The following ZCCHC2 variants were observed in gnomAD, a reference collection of about 807,000 sequenced individuals.
The protein encoded by ZCCHC2 is zinc finger CCHC-type containing 2.
Under a neutral mutation model 103.6 loss-of-function variants are expected in ZCCHC2, and 39 were observed. That is an observed-to-expected ratio of 0.38 (90% CI 0.29 to 0.49). The LOEUF (loss-of-function observed/expected upper bound fraction) is 0.49, where lower values mean the gene tolerates loss of function less well. ZCCHC2 is among the 20% of genes least tolerant of loss of function. The pLI, the probability that ZCCHC2 is intolerant of heterozygous loss-of-function variation, is 0.96. For synonymous variants in ZCCHC2, 687 were observed against 608.9 expected (o/e 1.13, Z -1.89); for missense variants, 1,483 against 1,491.0 (o/e 0.99, Z 0.09).
chr18:62,531,126 T>C (rs890485100), intron 1 of ZCCHC2, among the ~76,000 whole-genome samples: 2 of 152,192 alleles, frequency 1.3e-5, no homozygotes, highest in African/African-American at 2.4e-5. Flanking sequence ...CTTATTTTAT[T>C]GACTGTGTTT....
At chr18:62,566,030 A>AG (rs1916348140) in intron 11 of ZCCHC2, among the ~76,000 whole-genome samples, 1 of 152,196 alleles carries the variant, frequency 6.6e-6, no homozygotes, top group African/African-American at 2.4e-5. Flanking sequence ...GGATCACCTG[A>AG]GGTCAGGAGC....
At chr18:62,537,872 A>G (rs190498690) in intron 1 of ZCCHC2, among the ~76,000 whole-genome samples, 82 of 152,308 alleles carry the variant, frequency 5.4e-4, no homozygotes, top group African/African-American at 1.8e-3. Context: ...AACAGTAGCT[A>G]TACTATTTTT....
At chr18:62,529,675 T>C (rs1300595634) in intron 1 of ZCCHC2, among the ~76,000 whole-genome samples, 1 of 152,232 alleles carries the variant, frequency 6.6e-6, no homozygotes, top group Non-Finnish European at 1.5e-5. Flanking sequence ...CATTTTTCTA[T>C]GCAGTCATTT....
intron 13 of ZCCHC2, 50 bp downstream of exon 13, chr18:62,575,600 C>G (rs1245527658): frequency 6.4e-7 from 1 of 1,554,038 alleles, no homozygotes; most frequent in Non-Finnish European, 8.8e-7. Context: ...ACTCATTTCT[C>G]CTTCCTTTCC....
intron 11 of ZCCHC2, among the ~76,000 whole-genome samples, chr18:62,566,770 T>G (rs1005528294): frequency 6.6e-6 from 1 of 152,238 alleles, no homozygotes; most frequent in Non-Finnish European, 1.5e-5. Flanking sequence ...ATGCCTTTGT[T>G]TGCTCATTTG....
intron 5 of ZCCHC2, 106 bp from the exon 6 acceptor site, chr18:62,556,097 A>G: frequency 1.3e-6 from 1 of 780,082 alleles, no homozygotes; most frequent in Non-Finnish European, 2.0e-6. Flanking sequence ...ATATTTTTCC[A>G]TACCTGAATT....
intron 7 of ZCCHC2, 144 bp downstream of exon 7, chr18:62,558,914 C>G (rs2145516812): frequency 6.0e-6 from 3 of 499,426 alleles, no homozygotes; most frequent in Non-Finnish European, 1.1e-5. Context: ...ATAGACCATT[C>G]AATAAATGGT....
chr18:62,562,918 G>T, intron 8 of ZCCHC2, 91 bp from the exon 9 acceptor site: 2 of 1,427,966 alleles, frequency 1.4e-6, no homozygotes, highest in Non-Finnish European at 9.5e-7. Context: ...CTAATATATT[G>T]AAGAAAGGGT....
rs1182141717 is a variant in ZCCHC2 at position 62,564,596 on chromosome 18, C to T, written c.1712C>T (p.Ser571Phe). The T allele has an allele frequency of 3.9e-6, 6 of 1,543,070 alleles. No individual in the cohort carries two copies. Among genetic ancestry groups the T allele is most frequent in the African/African-American group, 1.4e-5 (1 of 72,788 alleles). ...DQHSAEKRSL[S>F]SINKKKGKPQ... ...CATTCTGCTGAAAAACGGAGTTTATCTTCAATAAATAAGAAGAAAGGAAAG... is the reference window on the plus strand; with the variant it reads ...CATTCTGCTGAAAAACGGAGTTTATTTTCAATAAATAAGAAGAAAGGAAAG... Residue 571 changes from serine (S) to phenylalanine (F), a missense_variant, in exon 10 of 14, where the codon TCT (serine) becomes TTT (phenylalanine). Physicochemically the swap from Ser to Phe is radical, Grantham distance 155. Transcript: ENST00000269499.
At position 62,570,154 on chromosome 18, in the gene ZCCHC2, C is replaced by A. The variant is rs1484239496; in HGVS notation, c.1898C>A (p.Ser633Ter). 1 of 1,612,228 alleles carries A rather than the reference C, an allele frequency of 6.2e-7. No individual in the cohort carries two copies. ...SGHDTCGETS[S>*]ESYSSPSSPR... ...CATGACACATGTGGAGAAACATCTT[C>A]AGAGAGTTACAGTTCTCCATCTAGT... The change falls in exon 12 of 14, where the codon TCA (serine) becomes TAA (stop). Residue 633 changes from serine (S) to a stop codon, truncating the protein, a stop_gained. Transcript: ENST00000269499. LOFTEE classifies it high-confidence loss of function.
At chr18:62,569,110 C>G (rs1316191602) in intron 11 of ZCCHC2, among the ~76,000 whole-genome samples, 1 of 152,184 alleles carries the variant, frequency 6.6e-6, no homozygotes, top group African/African-American at 2.4e-5. Context: ...TTAGCAACAT[C>G]AACATTCCTA....
chr18:62,557,856 A>G (rs1915960787), intron 6 of ZCCHC2, among the ~76,000 whole-genome samples: 3 of 152,214 alleles, frequency 2.0e-5, no homozygotes, highest in Non-Finnish European at 4.4e-5. Context: ...AGCAGTGCTA[A>G]AGAGGTTGGT....
In ZCCHC2 at chr18:62,563,156, GT is replaced by G. The variant is rs999460714; in HGVS notation, c.1686+15del. 20 of 1,609,622 alleles carry G rather than the reference GT, an allele frequency of 1.2e-5. No homozygotes were observed. Among genetic ancestry groups the G allele is most frequent in the Non-Finnish European group, 1.7e-5 (20 of 1,176,726 alleles). The stretch of plus-strand genomic sequence containing the variant: ...CCTCGGCTGACCAGGTGTGTGGGGA[GT>G]TTGTTTTGGAGCTATATAGTTAAAG... On this transcript the variant is annotated intron_variant, in intron 9 of 13. Transcript: ENST00000269499.
chr18:62,557,956 C>G (rs757110730), intron 6 of ZCCHC2, among the ~76,000 whole-genome samples: 4 of 151,574 alleles, frequency 2.6e-5, no homozygotes, highest in South Asian at 2.1e-4. Flanking sequence ...AACGTTCTTA[C>G]ATATCTGAGT....
intron 3 of ZCCHC2, 49 bp from the exon 4 acceptor site, chr18:62,544,753 T>C (rs530156631): frequency 6.8e-7 from 1 of 1,480,782 alleles, no homozygotes; most frequent in East Asian, 2.6e-5. Context: ...TTCTAGCCGG[T>C]TCCTGCCTAG....
At chr18:62,573,126 A>ATACCTTAATGAATACAAATATTTT (rs1916657031) in intron 12 of ZCCHC2, among the ~76,000 whole-genome samples, 1 of 152,210 alleles carries the variant, frequency 6.6e-6, no homozygotes, top group Non-Finnish European at 1.5e-5. Flanking sequence ...TAAACAGTTC[A>ATACCTTAATGAATACAAATATTTT]TACCTTAATG....
At position 62,574,626 on chromosome 18, in the gene ZCCHC2, A is replaced by G. The variant is rs779418252; in HGVS notation, c.2545A>G (p.Ile849Val). The part of the protein sequence containing the change: ...LSIASPNTAF[I>V]PIHNPGSFPG... The stretch of plus-strand genomic sequence containing the variant: ...CATCGCATCACCAAACACTGCCTTT[A>G]TTCCTATCCATAACCCAGGTAGTTT... The change falls in exon 13 of 14, where the codon ATT becomes GTT. Residue 849 changes from isoleucine to valine, a missense_variant. This residue lies in a region of ZCCHC2 where 884 missense variants were observed against 907.5 expected (regional missense o/e 0.97). Coordinates refer to ENST00000269499, the MANE Select transcript of ZCCHC2 (RefSeq NM_017742.6). 1.9e-6 allele frequency: 3 copies of G among 1,613,974 alleles called. No homozygotes were observed. The highest frequency in any genetic ancestry group is 2.5e-6 in the Non-Finnish European group (3 of 1,179,882).
At chr18:62,548,392 G>A (rs1328732264) in intron 4 of ZCCHC2, among the ~76,000 whole-genome samples, 2 of 152,158 alleles carry the variant, frequency 1.3e-5, no homozygotes, top group African/African-American at 4.8e-5. Context: ...CCAGCAACGT[G>A]AACAGTGTCA....
chr18:62,523,946 C>T lies in ZCCHC2; in HGVS notation c.522C>T (p.Ile174=), dbSNP rs1050465597. The T allele has an allele frequency of 1.7e-5, 26 of 1,520,784 alleles. No homozygotes were observed. The highest frequency in any genetic ancestry group is 1.9e-4 in the Middle Eastern group (1 of 5,210). The allele number at this position is 1,520,784 out of a possible 1,614,324, so 94.2% of individuals were successfully genotyped here. A position where few individuals can be genotyped will look rare whatever the true frequency, so the allele number is the denominator to read the frequency against. Residue 174 remains isoleucine, a synonymous_variant, in exon 1 of 14, where the codon ATC becomes ATT. Coordinates refer to ENST00000269499, the MANE Select transcript of ZCCHC2 (RefSeq NM_017742.6). ...AGCCCGCGGTGCGCTCGCGCCTCATCGTCTACCTGGCGCTGCTGGGCTCGG... is the reference window on the plus strand; with the variant it reads ...AGCCCGCGGTGCGCTCGCGCCTCATTGTCTACCTGGCGCTGCTGGGCTCGG... The part of the protein sequence containing the change: ...FREPAVRSRL[I]VYLALLGSEN...
Sources: allele counts gnomAD v4.1 joint callset (sites outside exome capture counted in the v4.1 genomes callset), GRCh38; gene constraint gnomAD v4.1.1; regional missense constraint gnomAD v4.1.1; transcripts MANE v1.5; gene names NCBI Gene and HGNC (gene_info 2026-07-23, HGNC 2026-07-21).